The following UBE2G2 variants were observed in gnomAD, a reference collection of about 807,000 sequenced individuals.
UBE2G2 encodes ubiquitin-conjugating enzyme E2 G2.
UBE2G2 carries 10 observed loss-of-function variants against 23.0 expected under a neutral mutation model. That is an observed-to-expected ratio of 0.43 (90% CI 0.27 to 0.74). The LOEUF (loss-of-function observed/expected upper bound fraction) is 0.74. Ranked by LOEUF, UBE2G2 falls within the 30% of genes least tolerant of loss-of-function variation. The pLI, the probability that UBE2G2 is intolerant of heterozygous loss-of-function variation, is 0.19. For missense variants in UBE2G2, 150 were observed against 218.3 expected (o/e 0.69, Z 1.97); for synonymous variants, 86 against 81.3 (o/e 1.06, Z -0.31).
rs1555959525 is a variant in UBE2G2, at chr21:44,769,485, A to G, written c.*1892T>C. On this transcript the variant is annotated 3_prime_UTR_variant, in exon 6 of 6. Transcript: ENST00000345496. ...AAGCTCCGCCTCCTGGGTTCACGCC[A>G]TTCTCCTGCCTCAGTCTTCAGAGTA... The G allele has an allele frequency of 6.8e-6, 1 of 147,610 alleles. No homozygotes were observed. Among genetic ancestry groups the G allele is most frequent in the African/African-American group, 2.5e-5 (1 of 39,386 alleles). The allele number at this position is 147,610 out of a possible 1,614,324, so 9.1% of individuals were successfully genotyped here. A position where few individuals can be genotyped will look rare whatever the true frequency, so the allele number is the denominator to read the frequency against.
At chr21:44,800,088 CAT>C (rs2083123024) in intron 1 of UBE2G2, 1 of 152,152 alleles carries the variant, frequency 6.6e-6, no homozygotes, top group Admixed American at 6.5e-5. Flanking sequence ...GATTACTGAT[CAT>C]AGATCACAGT....
chr21:44,782,570 T>C (rs1569296500), intron 3 of UBE2G2, among the ~76,000 whole-genome samples: 1 of 152,226 alleles, frequency 6.6e-6, no homozygotes, highest in Admixed American at 6.5e-5. Context: ...CAAGACAGTG[T>C]AGTAATGGCC....
Position 44,777,313 on chromosome 21 carries a change from A to G in UBE2G2, c.230T>C (p.Met77Thr). Residue 77 changes from methionine (M) to threonine (T), a missense_variant, in exon 4 of 6, where the codon ATG (methionine) becomes ACG (threonine). Coordinates refer to ENST00000345496, the MANE Select transcript of UBE2G2 (RefSeq NM_003343.6). ...SPPKMRFTCE[M>T]FHPNIYPDGR... Reference sequence around the variant, plus strand: ...AAAGCACTTACTGTTGGGATGAAACATCTCACAGGTAAATCTCATCTTTGG... The same window carrying G: ...AAAGCACTTACTGTTGGGATGAAACGTCTCACAGGTAAATCTCATCTTTGG... 1.9e-6 allele frequency: 3 copies of G among 1,613,976 alleles called. No homozygotes were observed. Among genetic ancestry groups the G allele is most frequent in the Non-Finnish European group, 2.5e-6 (3 of 1,179,950 alleles).
intron 1 of UBE2G2, among the ~76,000 whole-genome samples, chr21:44,799,292 C>T (rs1156817329): frequency 6.6e-6 from 1 of 152,182 alleles, no homozygotes; most frequent in East Asian, 1.9e-4. Context: ...TAACAAGAGT[C>T]GCCCTGTCCT....
At chr21:44,773,200 G>A (rs1226402313) in intron 5 of UBE2G2, among the ~76,000 whole-genome samples, 1 of 152,142 alleles carries the variant, frequency 6.6e-6, no homozygotes, top group Non-Finnish European at 1.5e-5. Context: ...CAGTTCCCTA[G>A]AACGTAGGAA....
At chr21:44,781,183 C>T (rs1169455230) in intron 3 of UBE2G2, among the ~76,000 whole-genome samples, 3 of 152,216 alleles carry the variant, frequency 2.0e-5, no homozygotes, top group Non-Finnish European at 2.9e-5. Context: ...GACTAAGGGA[C>T]GATGGCCCTC....
rs2082881448 is a variant in UBE2G2 at position 44,772,471 on chromosome 21, T to C, written c.386-982A>G. ...CTGGGTCTGCTCTTTCCTTTCGGACTTGCCGCCTTCCTTTCCCACACCCTT... is the reference window on the plus strand; with the variant it reads ...CTGGGTCTGCTCTTTCCTTTCGGACCTGCCGCCTTCCTTTCCCACACCCTT... On this transcript the variant is annotated intron_variant, in intron 5 of 5. Coordinates refer to ENST00000345496, the MANE Select transcript of UBE2G2 (RefSeq NM_003343.6). This position sits in a 1 kb window ranked among gnomAD's most constrained non-coding sequence, Gnocchi z 5.4. Among the ~76,000 whole-genome samples the C allele has an allele frequency of 6.7e-6, 1 of 150,044 alleles. No homozygotes were observed. Among genetic ancestry groups the C allele is most frequent in the Admixed American group, 6.7e-5 (1 of 15,018 alleles).
chr21:44,787,217 A>G lies in UBE2G2; in HGVS notation c.125+703T>C, dbSNP rs540358223. ...TACACTAAGAATGGCCAAAAATTGC[A>G]CATCTAAGGTAGAAAGAAGAAAAAG... On this transcript the variant is annotated intron_variant, in intron 3 of 5. Transcript: ENST00000345496. Among the ~76,000 whole-genome samples the G allele has an allele frequency of 4.6e-5, 7 of 152,340 alleles. No homozygotes were observed. In the East Asian group the frequency reaches 1.3e-3, roughly 29 times the overall value.
At chr21:44,786,064 C>T (rs1028620658) in intron 3 of UBE2G2, among the ~76,000 whole-genome samples, 2 of 112,388 alleles carry the variant, frequency 1.8e-5, no homozygotes, top group South Asian at 3.1e-4. Flanking sequence ...AATAGGCCTA[C>T]GGAGGAGCCA....
chr21:44,788,287 G>GTTTTTTTTTTTTTTTTTTTT (rs71326069), intron 1 of UBE2G2, among the ~76,000 whole-genome samples, 192 bp from the exon 2 acceptor site: 3 of 135,594 alleles, frequency 2.2e-5, no homozygotes, highest in African/African-American at 2.7e-5. Context: ...AAGTTTTTTT[G>GTTTTTTTTTTTTTTTTTTTT]TTTTTTTTTT....
chr21:44,801,642 G>A (rs968253292), intron 1 of UBE2G2, 64 bp downstream of exon 1: 16 of 1,486,824 alleles, frequency 1.1e-5, no homozygotes, highest in South Asian at 1.3e-5. Flanking sequence ...CAGCCCCGCC[G>A]GACGACGCGG....
intron 1 of UBE2G2, among the ~76,000 whole-genome samples, chr21:44,798,422 T>C (rs782214717): frequency 2.0e-5 from 3 of 152,244 alleles, no homozygotes; most frequent in Admixed American, 2.0e-4. Flanking sequence ...TAGTCTGTGA[T>C]GTTGTTTGAC....
chr21:44,779,319 C>G (rs2082938100), intron 3 of UBE2G2: 1 of 291,832 alleles, frequency 3.4e-6, no homozygotes, highest in Non-Finnish European at 6.8e-6. Context: ...GTCTTTGCTA[C>G]CTTTTCAGAA....
intron 3 of UBE2G2, among the ~76,000 whole-genome samples, chr21:44,784,918 C>T (rs541116779): frequency 2.6e-4 from 39 of 152,280 alleles, no homozygotes; most frequent in African/African-American, 9.1e-4. Flanking sequence ...GGACAGCAAG[C>T]GCCAAGGGAC....
intron 1 of UBE2G2, among the ~76,000 whole-genome samples, chr21:44,796,045 T>C (rs1232658778): frequency 1.3e-5 from 2 of 152,228 alleles, no homozygotes; most frequent in Non-Finnish European, 2.9e-5. Context: ...TCAACACCTT[T>C]ATTTTAGATG....
intron 4 of UBE2G2, among the ~76,000 whole-genome samples, chr21:44,776,017 A>T (rs1555960538): frequency 6.6e-6 from 1 of 152,176 alleles, no homozygotes. Flanking sequence ...GCAGCCGCCC[A>T]CTACCTATGT....
intron 4 of UBE2G2, chr21:44,777,036 C>A: frequency 2.6e-6 from 1 of 383,024 alleles, no homozygotes. Context: ...TGTAAAACTT[C>A]CTCCCCAGTG....
At chr21:44,783,290 G>A (rs1435944188) in intron 3 of UBE2G2, among the ~76,000 whole-genome samples, 3 of 152,216 alleles carry the variant, frequency 2.0e-5, no homozygotes, top group African/African-American at 7.2e-5. Context: ...TGGAGAAACT[G>A]GAATGCTCAT....
chr21:44,801,526 A>G (rs2083137569), intron 1 of UBE2G2, 180 bp downstream of exon 1: 1 of 1,121,616 alleles, frequency 8.9e-7, no homozygotes, highest in Non-Finnish European at 1.2e-6. Context: ...TCACGACTTC[A>G]CGCGTGAGAG....
Sources: allele counts gnomAD v4.1 joint callset (sites outside exome capture counted in the v4.1 genomes callset), GRCh38; gene constraint gnomAD v4.1.1; non-coding constraint Gnocchi (gnomAD v3.1); transcripts MANE v1.5; gene names NCBI Gene and HGNC (gene_info 2026-07-23, HGNC 2026-07-21).